CEP128: variants seen among roughly 807,000 people sequenced by gnomAD.
The protein encoded by CEP128 is centrosomal protein 128, also known as centrosomal protein 128kDa.
Under a neutral mutation model 156.7 loss-of-function variants are expected in CEP128, and 132 were observed. The ratio of observed to expected loss-of-function variants is 0.84; its 90% CI spans 0.73 to 0.97. The LOEUF (loss-of-function observed/expected upper bound fraction) is 0.97. Among genes scored for constraint, CEP128 ranks in the 50% least tolerant of loss-of-function variants. The pLI is 0.00. For synonymous variants in CEP128, 469 were observed against 448.9 expected (o/e 1.04, Z -0.57); for missense variants, 1,252 against 1,281.9 (o/e 0.98, Z 0.36).
intron 19 of CEP128, among the ~76,000 whole-genome samples, chr14:80,673,991 T>C (rs1465679900): frequency 2.0e-5 from 3 of 151,902 alleles, no homozygotes; most frequent in Non-Finnish European, 4.4e-5. Context: ...CAAAAAGAAA[T>C]AGGCTTCTGA....
chr14:80,668,717 T>C (rs998737115), intron 19 of CEP128, among the ~76,000 whole-genome samples: 3 of 151,990 alleles, frequency 2.0e-5, no homozygotes, highest in African/African-American at 7.3e-5. Context: ...AAATAGAAGA[T>C]GGGTGATATG....
downstream of CEP128, among the ~76,000 whole-genome samples, chr14:80,486,242 T>A (rs748774000): frequency 2.6e-5 from 4 of 152,058 alleles, 1 homozygote; most frequent in Non-Finnish European, 5.9e-5. Flanking sequence ...CAGGAGCCGA[T>A]GTGATCAACT....
At chr14:80,489,679 G>A (rs561567764), downstream of CEP128, among the ~76,000 whole-genome samples, 9 of 150,276 alleles carry the variant, frequency 6.0e-5, no homozygotes, top group South Asian at 4.1e-4. Context: ...GAATGTGACT[G>A]AGGAGAAAGT....
chr14:80,817,838 G>C (rs980448125), intron 13 of CEP128, among the ~76,000 whole-genome samples: 2 of 150,878 alleles, frequency 1.3e-5, no homozygotes, highest in Admixed American at 6.6e-5. Flanking sequence ...TGGAGATCGC[G>C]CAACTACACT....
At chr14:80,859,698 G>A (rs1180718293) in intron 9 of CEP128, among the ~76,000 whole-genome samples, 1 of 152,078 alleles carries the variant, frequency 6.6e-6, no homozygotes, top group African/African-American at 2.4e-5. Context: ...AAACAGAAAT[G>A]AGTGAACAAT....
intron 16 of CEP128, among the ~76,000 whole-genome samples, chr14:80,766,869 G>T (rs1900265896): frequency 6.6e-6 from 1 of 152,046 alleles, no homozygotes; most frequent in African/African-American, 2.4e-5. Flanking sequence ...AATATTAAAG[G>T]CTGAAATAAA....
At chr14:80,925,568 A>G (rs1218618390) in intron 2 of CEP128, among the ~76,000 whole-genome samples, 3 of 152,090 alleles carry the variant, frequency 2.0e-5, no homozygotes, top group African/African-American at 7.2e-5. Context: ...TTGTCATAGA[A>G]AGTGTTGGAA....
intron 19 of CEP128, among the ~76,000 whole-genome samples, chr14:80,686,114 T>C (rs1389994805): frequency 6.6e-6 from 1 of 151,990 alleles, no homozygotes; most frequent in African/African-American, 2.4e-5. Flanking sequence ...GGGGACTAAA[T>C]GAATTAACTT....
At chr14:80,766,068 A>C (rs1213220718) in intron 16 of CEP128, among the ~76,000 whole-genome samples, 1 of 152,198 alleles carries the variant, frequency 6.6e-6, no homozygotes, top group East Asian at 1.9e-4. Flanking sequence ...AATAGACCAC[A>C]AAATCAAAAG....
intron 9 of CEP128, among the ~76,000 whole-genome samples, chr14:80,853,135 G>A (rs1193731956): frequency 6.6e-6 from 1 of 151,606 alleles, no homozygotes; most frequent in African/African-American, 2.4e-5. Flanking sequence ...GGCAACCTAG[G>A]AATAGAAGGC....
chr14:80,788,683 T>TACC (rs1365661112), intron 14 of CEP128, among the ~76,000 whole-genome samples: 2 of 152,158 alleles, frequency 1.3e-5, no homozygotes, highest in African/African-American at 2.4e-5. Context: ...TAGCAAGGTT[T>TACC]ACCAACTTTC....
chr14:80,773,140 T>C (rs978604679), intron 16 of CEP128, among the ~76,000 whole-genome samples: 3 of 152,164 alleles, frequency 2.0e-5, no homozygotes, highest in Non-Finnish European at 2.9e-5. Context: ...GCCTAGAATA[T>C]CCAAGAACAA....
chr14:80,725,262 A>G (rs1190644157), intron 19 of CEP128, among the ~76,000 whole-genome samples: 5 of 151,190 alleles, frequency 3.3e-5, no homozygotes, highest in Admixed American at 3.3e-4. Context: ...GGCTCACTGC[A>G]ACCTTCACCT....
At chr14:80,568,687 C>T (rs1891017627) in intron 20 of CEP128, among the ~76,000 whole-genome samples, 1 of 152,102 alleles carries the variant, frequency 6.6e-6, no homozygotes, top group Non-Finnish European at 1.5e-5. Context: ...TATTAATCTC[C>T]ATTTCCCAAC....
chr14:80,814,020 AAT>A (rs1320565019), intron 13 of CEP128, among the ~76,000 whole-genome samples: 1 of 152,154 alleles, frequency 6.6e-6, no homozygotes, highest in Non-Finnish European at 1.5e-5. Flanking sequence ...AGCACTTTGA[AAT>A]ATGTTTCTAT....
At chr14:80,517,756 T>TA (rs1453292090) in intron 23 of CEP128, among the ~76,000 whole-genome samples, 2 of 152,142 alleles carry the variant, frequency 1.3e-5, no homozygotes, top group East Asian at 3.9e-4. Flanking sequence ...CAGTGAGTGT[T>TA]ATAGCTCTAC....
At chr14:80,706,181 A>G (rs1050276200) in intron 19 of CEP128, among the ~76,000 whole-genome samples, 2 of 152,052 alleles carry the variant, frequency 1.3e-5, no homozygotes, top group Non-Finnish European at 1.5e-5. Context: ...AAAAAAAAAC[A>G]TATAGAAAAA....
At chr14:80,518,320 A>G (rs1002205297) in intron 23 of CEP128, among the ~76,000 whole-genome samples, 2 of 151,792 alleles carry the variant, frequency 1.3e-5, no homozygotes, top group African/African-American at 4.8e-5. Context: ...TCACCTTCCC[A>G]GCTAGGCTTA....
chr14:80,767,815 T>C (rs924491499), intron 16 of CEP128, among the ~76,000 whole-genome samples: 10 of 152,266 alleles, frequency 6.6e-5, no homozygotes, highest in African/African-American at 2.4e-4. Context: ...GCCATATGAT[T>C]TGATGCAGGT....
Sources: allele counts gnomAD v4.1 joint callset (sites outside exome capture counted in the v4.1 genomes callset), GRCh38; gene constraint gnomAD v4.1.1; transcripts MANE v1.5; gene names NCBI Gene and HGNC (gene_info 2026-07-23, HGNC 2026-07-21).